STRBP: variants seen among roughly 807,000 people sequenced by gnomAD.
STRBP encodes the protein spermatid perinuclear RNA binding protein, also known as spermatid perinuclear RNA-binding protein.
In STRBP, 13 loss-of-function variants were observed where a neutral mutation model predicts 80.1. The observed-to-expected ratio is 0.16, with a 90% CI of 0.11 to 0.26. The LOEUF (loss-of-function observed/expected upper bound fraction) is 0.26, where lower values mean the gene tolerates loss of function less well. Among genes scored for constraint, STRBP ranks in the 10% least tolerant of loss-of-function variants. The pLI is 1.00. For missense variants in STRBP, 485 were observed against 815.2 expected (o/e 0.59, Z 4.93); for synonymous variants, 284 against 291.2 (o/e 0.98, Z 0.25).
chr9:123,214,370 T>TA (rs1337505725), intron 2 of STRBP, among the ~76,000 whole-genome samples: 2 of 152,068 alleles, frequency 1.3e-5, no homozygotes, highest in African/African-American at 4.8e-5. Context: ...TGGTGAGGGA[T>TA]AAAAGACTAT....
chr9:123,176,932 A>C (rs925653539), intron 4 of STRBP, among the ~76,000 whole-genome samples: 3 of 152,202 alleles, frequency 2.0e-5, no homozygotes, highest in Non-Finnish European at 2.9e-5. Context: ...ATTTTGAAAA[A>C]GGTAAAGCAT....
At chr9:123,164,851 C>T (rs1181174771) in intron 6 of STRBP, among the ~76,000 whole-genome samples, 3 of 152,162 alleles carry the variant, frequency 2.0e-5, no homozygotes, top group African/African-American at 4.8e-5. Context: ...AACACAGGCA[C>T]ATAATAACAT....
intron 1 of STRBP, among the ~76,000 whole-genome samples, chr9:123,248,160 G>A (rs891329475): frequency 1.3e-5 from 2 of 151,300 alleles, no homozygotes; most frequent in Non-Finnish European, 2.9e-5. Context: ...AAACATAAAT[G>A]CAAATAACAT....
chr9:123,194,897 C>T (rs990128006), intron 2 of STRBP, among the ~76,000 whole-genome samples: 4 of 152,268 alleles, frequency 2.6e-5, no homozygotes, highest in Middle Eastern at 3.4e-3. Flanking sequence ...AACCTCTAAA[C>T]GCTGAAGTGC....
chr9:123,209,471 A>C (rs1482010608), intron 2 of STRBP, among the ~76,000 whole-genome samples: 1 of 152,350 alleles, frequency 6.6e-6, no homozygotes, highest in African/African-American at 2.4e-5. Flanking sequence ...AAAAATGTAA[A>C]AGCATTTGAT....
At chr9:123,118,782 TC>T (rs1277278581), downstream of STRBP, among the ~76,000 whole-genome samples, 1 of 152,196 alleles carries the variant, frequency 6.6e-6, no homozygotes, top group Non-Finnish European at 1.5e-5. Flanking sequence ...CAATCTATGT[TC>T]CCCACTTAGC....
chr9:123,155,560 A>G (rs938716717), intron 11 of STRBP, among the ~76,000 whole-genome samples: 11 of 152,218 alleles, frequency 7.2e-5, no homozygotes, highest in Admixed American at 1.3e-4. Context: ...GGAGAACACG[A>G]GGAGGATGAA....
chr9:123,225,290 GTTTGT>G (rs2040200393), intron 2 of STRBP, among the ~76,000 whole-genome samples: 1 of 152,266 alleles, frequency 6.6e-6, no homozygotes, highest in Admixed American at 6.5e-5. Flanking sequence ...GATTTATGTA[GTTTGT>G]TTTACACTTT....
At chr9:123,128,758 G>T (rs1184509540) in intron 17 of STRBP, among the ~76,000 whole-genome samples, 1 of 152,200 alleles carries the variant, frequency 6.6e-6, no homozygotes, top group Admixed American at 6.5e-5. Flanking sequence ...TAGTGAGAGA[G>T]CAGGCTGAGG....
At chr9:123,120,921 G>A (rs766250270), downstream of STRBP, among the ~76,000 whole-genome samples, 56 of 152,314 alleles carry the variant, frequency 3.7e-4, no homozygotes, top group Non-Finnish European at 6.2e-4. Flanking sequence ...ACTAATAACT[G>A]AGCTAATATT....
intron 2 of STRBP, among the ~76,000 whole-genome samples, chr9:123,185,100 A>T (rs74557213): frequency 0.019 from 2,755 of 143,638 alleles, 88 homozygotes; most frequent in African/African-American, 0.063. Context: ...GAAAAAAATT[A>T]AAAAAAAAAA....
At chr9:123,231,110 G>A (rs2040386612) in intron 2 of STRBP, among the ~76,000 whole-genome samples, 2 of 151,994 alleles carry the variant, frequency 1.3e-5, no homozygotes, top group Admixed American at 6.5e-5. Context: ...CACCCCTAGA[G>A]GTCAATTTAA....
chr9:123,197,977 T>C (rs190648758), intron 2 of STRBP, among the ~76,000 whole-genome samples: 6 of 152,212 alleles, frequency 3.9e-5, no homozygotes, highest in Admixed American at 3.9e-4. Context: ...CCTGGCTCTG[T>C]CTTTTTAATA....
At chr9:123,180,976 CTA>C in intron 3 of STRBP, 1 of 973,894 alleles carries the variant, frequency 1.0e-6, no homozygotes, top group African/African-American at 1.8e-5. Context: ...TCTTGTTTAT[CTA>C]TGTTTAAAAA....
At chr9:123,148,963 T>C (rs1224109122) in intron 11 of STRBP, among the ~76,000 whole-genome samples, 3 of 152,210 alleles carry the variant, frequency 2.0e-5, no homozygotes, top group Non-Finnish European at 4.4e-5. Context: ...ATTTATAATG[T>C]TGTCAAGCAA....
At position 123,146,935 on chromosome 9, in the gene STRBP, T is replaced by C. The variant is rs758422074; in HGVS notation, c.1258A>G (p.Met420Val). 1.2e-6 allele frequency: 2 copies of C among 1,614,080 alleles called. No homozygotes were observed. Among genetic ancestry groups the C allele is most frequent in the Non-Finnish European group, 1.7e-6 (2 of 1,180,002 alleles). ...SGPVHAPVFT[M>V]SVDVDGTTYE... ...GTTGTGCCATCCACATCTACAGACA[T>C]TGTGAAGACTGGGGCATGAACGGGG... Residue 420 changes from methionine to valine, a missense_variant, in exon 13 of 19, where the codon ATG becomes GTG. Around this residue, in one of 3 missense-constraint regions of STRBP, gnomAD observed 377 missense variants for 616.1 expected, o/e 0.61. Coordinates refer to ENST00000348403, the MANE Select transcript of STRBP (RefSeq NM_018387.5).
At chr9:123,249,360 C>G (rs1432885785) in intron 1 of STRBP, among the ~76,000 whole-genome samples, 1 of 152,022 alleles carries the variant, frequency 6.6e-6, no homozygotes, top group Non-Finnish European at 1.5e-5. Flanking sequence ...GCCTGGGCAA[C>G]AGAGTGAGAC....
At chr9:123,239,925 G>A (rs1182096447) in intron 1 of STRBP, among the ~76,000 whole-genome samples, 1 of 152,152 alleles carries the variant, frequency 6.6e-6, no homozygotes, top group Non-Finnish European at 1.5e-5. Context: ...ATGCCCCTAA[G>A]GGAATACAGG....
intron 2 of STRBP, among the ~76,000 whole-genome samples, chr9:123,225,298 T>A (rs1001915192): frequency 2.0e-5 from 3 of 152,220 alleles, no homozygotes; most frequent in African/African-American, 7.2e-5. Context: ...TAGTTTGTTT[T>A]ACACTTTAAC....
Sources: allele counts gnomAD v4.1 joint callset (sites outside exome capture counted in the v4.1 genomes callset), GRCh38; gene constraint gnomAD v4.1.1; regional missense constraint gnomAD v4.1.1; transcripts MANE v1.5; gene names NCBI Gene and HGNC (gene_info 2026-07-23, HGNC 2026-07-21).